Variants in CNTLN observed in about 807,000 individuals in gnomAD.
CNTLN encodes centlein, centrosomal protein.
Under a neutral mutation model 180.0 loss-of-function variants are expected in CNTLN, and 212 were observed. The ratio of observed to expected loss-of-function variants is 1.18; its 90% CI spans 1.05 to 1.32. CNTLN has a LOEUF of 1.32. CNTLN is among the 40% of genes most tolerant of loss of function. The probability of loss-of-function intolerance (pLI) is 0.00; values close to 1 mark genes in which losing one functional copy is unlikely to be tolerated. For missense variants in CNTLN, 2,095 were observed against 1,610.9 expected (o/e 1.30, Z -5.14); for synonymous variants, 722 against 563.1 (o/e 1.28, Z -3.99).
chr9:17,323,363 T>C (rs1322794420), intron 8 of CNTLN, among the ~76,000 whole-genome samples: 1 of 152,218 alleles, frequency 6.6e-6, no homozygotes, highest in Admixed American at 6.5e-5. Flanking sequence ...CCGATTTGTT[T>C]TGTGGCATAA....
chr9:17,263,493 C>T (rs1385579321), intron 5 of CNTLN, among the ~76,000 whole-genome samples: 6 of 151,368 alleles, frequency 4.0e-5, no homozygotes, highest in African/African-American at 1.2e-4. Context: ...AATAGTACCA[C>T]AATAAACATA....
At chr9:17,281,287 A>T (rs562053683) in intron 6 of CNTLN, among the ~76,000 whole-genome samples, 3 of 150,612 alleles carry the variant, frequency 2.0e-5, no homozygotes, top group East Asian at 3.9e-4. Context: ...TTTAAAAATT[A>T]ATTTTGTTTC....
intron 15 of CNTLN, among the ~76,000 whole-genome samples, chr9:17,400,070 T>A (rs1039472758): frequency 1.3e-5 from 2 of 152,206 alleles, no homozygotes; most frequent in African/African-American, 4.8e-5. Context: ...TTTTACGGTG[T>A]CTCAGCCAAG....
At chr9:17,327,436 G>A (rs953516101) in intron 8 of CNTLN, among the ~76,000 whole-genome samples, 3 of 150,460 alleles carry the variant, frequency 2.0e-5, no homozygotes, top group East Asian at 2.0e-4. Context: ...CGCTCTTCTC[G>A]GCCTCCCGAA....
intron 18 of CNTLN, among the ~76,000 whole-genome samples, chr9:17,430,078 G>A (rs893457537): frequency 6.6e-6 from 1 of 151,914 alleles, no homozygotes; most frequent in Non-Finnish European, 1.5e-5. Context: ...TCTGAAGAAG[G>A]TATGAAGTTA....
chr9:17,167,398 C>CGG, intron 2 of CNTLN: 1 of 147,030 alleles, frequency 6.8e-6, no homozygotes, highest in Non-Finnish European at 1.5e-5. Context: ...GCTGTCTATA[C>CGG]TGATTTTCTT....
At chr9:17,328,601 G>T (rs2133097460) in intron 8 of CNTLN, among the ~76,000 whole-genome samples, 1 of 152,274 alleles carries the variant, frequency 6.6e-6, no homozygotes, top group Non-Finnish European at 1.5e-5. Flanking sequence ...TAACAAAAGT[G>T]ATAAAAGGCA....
chr9:17,413,395 A>C (rs1827997777), intron 16 of CNTLN, among the ~76,000 whole-genome samples: 1 of 152,142 alleles, frequency 6.6e-6, no homozygotes, highest in African/African-American at 2.4e-5. Flanking sequence ...TGATCCATAA[A>C]AGAAAACAAC....
At chr9:17,515,114 T>G in the CNTLN span, among the ~76,000 whole-genome samples, 1 of 152,218 alleles carries the variant, frequency 6.6e-6, no homozygotes, top group Non-Finnish European at 1.5e-5. Flanking sequence ...CTGTACATTG[T>G]CAAATCCTAT....
intron 2 of CNTLN, among the ~76,000 whole-genome samples, chr9:17,202,646 G>GTTTTTTTGTTT (rs1554656178): frequency 2.8e-5 from 2 of 71,486 alleles, no homozygotes; most frequent in African/African-American, 1.1e-4. Flanking sequence ...TGCAACCTCT[G>GTTTTTTTGTTT]TTTTTTTTTT....
chr9:17,389,138 C>T (rs957007667), intron 14 of CNTLN, among the ~76,000 whole-genome samples: 3 of 151,926 alleles, frequency 2.0e-5, no homozygotes, highest in African/African-American at 4.8e-5. Flanking sequence ...TAGTGATTTA[C>T]AGCAGATAAT....
chr9:17,250,167 T>C (rs996259216), intron 5 of CNTLN, among the ~76,000 whole-genome samples: 3 of 151,958 alleles, frequency 2.0e-5, no homozygotes, highest in African/African-American at 2.4e-5. Context: ...CTTTCTGATA[T>C]GATTATGTCT....
chr9:17,394,481 G>A lies in CNTLN; in HGVS notation c.2080-53G>A, dbSNP rs1047183873. On this transcript the variant is annotated intron_variant, in intron 14 of 25. Transcript: ENST00000380647. ...TTCATAAGTTAGAAATGGTAATAAA[G>A]TATAGTAGATTATGGTTTTTGGATT... is the stretch of plus-strand genomic sequence containing the variant. 3 of 1,203,420 alleles carry A rather than the reference G, an allele frequency of 2.5e-6. No individual in the cohort carries two copies. The South Asian group carries it at 4.8e-5, about 19-fold the overall frequency. 74.5% of individuals were successfully genotyped at this position (1,203,420 alleles called of 1,614,324 possible).
chr9:17,219,482 A>G (rs1823989348), intron 2 of CNTLN, among the ~76,000 whole-genome samples: 1 of 152,100 alleles, frequency 6.6e-6, no homozygotes, highest in African/African-American at 2.4e-5. Flanking sequence ...ACAAATTGCC[A>G]TATTTTGAGT....
the CNTLN span, among the ~76,000 whole-genome samples, chr9:17,510,937 A>T: frequency 1.3e-5 from 2 of 152,236 alleles, no homozygotes; most frequent in African/African-American, 4.8e-5. Context: ...GTTTAAATTT[A>T]TAAGAAACTG....
At chr9:17,430,356 A>C (rs1829344650) in intron 18 of CNTLN, among the ~76,000 whole-genome samples, 2 of 151,972 alleles carry the variant, frequency 1.3e-5, no homozygotes, top group South Asian at 4.1e-4. Context: ...CTATCTTTTA[A>C]ATCATACTAT....
chr9:17,233,022 GTACT>G (rs1824908799), intron 3 of CNTLN, among the ~76,000 whole-genome samples: 1 of 151,998 alleles, frequency 6.6e-6, no homozygotes, highest in African/African-American at 2.4e-5. Flanking sequence ...GATGCTATTT[GTACT>G]TACTGGATTT....
chr9:17,456,036 AGGG>A (rs1290966607), intron 18 of CNTLN, among the ~76,000 whole-genome samples: 3 of 151,780 alleles, frequency 2.0e-5, no homozygotes, highest in African/African-American at 7.3e-5. Flanking sequence ...CGGGAGAGAG[AGGG>A]TTGTTGTAAT....
chr9:17,164,560 G>T, intron 2 of CNTLN, among the ~76,000 whole-genome samples: 1 of 143,492 alleles, frequency 7.0e-6, no homozygotes, highest in South Asian at 2.2e-4. Context: ...TGCCTCCCTG[G>T]TTCGGCCTCC....
Sources: allele counts gnomAD v4.1 joint callset (sites outside exome capture counted in the v4.1 genomes callset), GRCh38; gene constraint gnomAD v4.1.1; transcripts MANE v1.5; gene names NCBI Gene and HGNC (gene_info 2026-07-23, HGNC 2026-07-21).